DSCAM: variants seen among roughly 807,000 people sequenced by gnomAD.
The protein encoded by DSCAM is DS cell adhesion molecule.
Under a neutral mutation model 217.7 loss-of-function variants are expected in DSCAM, and 47 were observed. That is an observed-to-expected ratio of 0.22 (90% confidence interval 0.17 to 0.28). The LOEUF (loss-of-function observed/expected upper bound fraction) is 0.28, where lower values mean the gene tolerates loss of function less well. DSCAM is among the 10% of genes least tolerant of loss of function. The pLI, the probability that DSCAM is intolerant of heterozygous loss-of-function variation, is 1.00. For synonymous variants in DSCAM, 1,056 were observed against 1,015.3 expected, an observed-to-expected ratio of 1.04 and a Z score of -0.76; for missense variants, 2,080 against 2,618.3, an observed-to-expected ratio of 0.79 and a Z score of 4.49.
chr21:40,501,072 G>A (rs2076166938), intron 3 of DSCAM, among the ~76,000 whole-genome samples: 1 of 152,200 alleles, frequency 6.6e-6, no homozygotes, highest in African/African-American at 2.4e-5. Flanking sequence ...GGTAGAATTA[G>A]TAGTCTCTTC....
intron 9 of DSCAM, among the ~76,000 whole-genome samples, chr21:40,296,657 C>T (rs887082286): frequency 1.3e-5 from 2 of 151,744 alleles, no homozygotes; most frequent in Non-Finnish European, 2.9e-5. Context: ...CACGGAGAAA[C>T]CCCATCTCTA....
intron 1 of DSCAM, among the ~76,000 whole-genome samples, chr21:40,777,232 G>A (rs566426866): frequency 2.8e-4 from 43 of 152,230 alleles, no homozygotes; most frequent in African/African-American, 1.0e-3. Context: ...TTCCACTGAT[G>A]AGAGCTCCAC....
intron 9 of DSCAM, among the ~76,000 whole-genome samples, chr21:40,306,152 C>T (rs1981208050): frequency 6.6e-6 from 1 of 150,936 alleles, no homozygotes; most frequent in African/African-American, 2.5e-5. Context: ...TGAAGAGGTC[C>T]TTCACATCCC....
chr21:40,155,319 G>T (rs2090464428), intron 16 of DSCAM, among the ~76,000 whole-genome samples: 1 of 152,290 alleles, frequency 6.6e-6, no homozygotes, highest in South Asian at 2.1e-4. Flanking sequence ...GGACCTAGAG[G>T]GTGCACTCTG....
intron 11 of DSCAM, among the ~76,000 whole-genome samples, chr21:40,227,633 A>G (rs920291232): frequency 6.6e-6 from 1 of 152,124 alleles, no homozygotes; most frequent in Admixed American, 6.6e-5. Context: ...TGCTACCCTT[A>G]CTGGTACACC....
Position 40,409,033 on chromosome 21 carries a change from T to G in DSCAM, c.509-39788A>C, listed in dbSNP as rs538042181. Among the ~76,000 whole-genome samples, 11 of 152,306 alleles carry G rather than the reference T, an allele frequency of 7.2e-5. 1 individual carries two copies. The highest frequency in any genetic ancestry group is 2.4e-4 in the African/African-American group (10 of 41,578). The stretch of plus-strand genomic sequence containing the variant: ...TATTTATTTGGATAACAATTATAGT[T>G]CAATATTAATGCTTACAAAGAAAGA... On this transcript the variant is annotated intron_variant, in intron 3 of 32. Transcript: ENST00000400454.
chr21:40,719,953 A>G (rs2090884066), intron 1 of DSCAM, among the ~76,000 whole-genome samples: 2 of 151,886 alleles, frequency 1.3e-5, no homozygotes, highest in Admixed American at 6.6e-5. Context: ...AAGAAATTGG[A>G]AAAAAATCAT....
At chr21:40,823,810 A>C (rs2091947884) in intron 1 of DSCAM, among the ~76,000 whole-genome samples, 1 of 152,188 alleles carries the variant, frequency 6.6e-6, no homozygotes, top group Admixed American at 6.6e-5. Context: ...TGATCCATAC[A>C]TATTGCAATG....
At chr21:40,060,501 G>T (rs2089099627) in intron 28 of DSCAM, among the ~76,000 whole-genome samples, 1 of 152,056 alleles carries the variant, frequency 6.6e-6, no homozygotes, top group Admixed American at 6.6e-5. Context: ...GCACAGTTGA[G>T]GGGAGGAGAA....
chr21:40,598,916 G>A lies in DSCAM; in HGVS notation c.508+93894C>T, dbSNP rs958440794. Among the ~76,000 whole-genome samples the A allele has an allele frequency of 5.3e-5, 8 of 152,096 alleles. No individual in the cohort carries two copies. The East Asian group carries it at 5.8e-4, about 11-fold the overall frequency. ...TTTAGTAGCTATAGAGTAGTATCTCGTTATTGTTTTAATTTAAAATTATTT... is the reference window on the plus strand; with the variant it reads ...TTTAGTAGCTATAGAGTAGTATCTCATTATTGTTTTAATTTAAAATTATTT... On this transcript the variant is annotated intron_variant, in intron 3 of 32. Coordinates refer to ENST00000400454, the MANE Select transcript of DSCAM (RefSeq NM_001389.5).
At chr21:40,716,425 G>A (rs1291260170) in intron 1 of DSCAM, among the ~76,000 whole-genome samples, 1 of 152,020 alleles carries the variant, frequency 6.6e-6, no homozygotes, top group Non-Finnish European at 1.5e-5. Flanking sequence ...ATAACTGTGG[G>A]TTCAAAACAG....
At chr21:40,031,014 G>C (rs969991436) in intron 32 of DSCAM, among the ~76,000 whole-genome samples, 12 of 152,064 alleles carry the variant, frequency 7.9e-5, no homozygotes, top group Admixed American at 4.6e-4. Context: ...CTGGTTCACT[G>C]TACTTGCTGC....
chr21:40,183,619 G>A lies in DSCAM; in HGVS notation c.2779+3512C>T, dbSNP rs1175241219. ...GCCAAAGGGTTAAGAGGTGGGAGGA[G>A]AGACACTGGATCCAGGAAGGTCTAT... On this transcript the variant is annotated intron_variant, in intron 14 of 32. Transcript: ENST00000400454. Among the ~76,000 whole-genome samples, 3 of 152,202 alleles carry A rather than the reference G, an allele frequency of 2.0e-5. No homozygotes were observed. In the East Asian group the frequency reaches 5.8e-4, roughly 29 times the overall value.
Position 40,013,304 on chromosome 21 carries a change from G to A in DSCAM, c.5769C>T (p.Ser1923=). The change falls in exon 33 of 33, where the codon AGC becomes AGT. Residue 1923 remains serine, a synonymous_variant. Coordinates refer to ENST00000400454, the MANE Select transcript of DSCAM (RefSeq NM_001389.5). The part of the protein sequence containing the change: ...RGGPGTSRDL[S]LGQACLEPQK... ...GAGGTTCCAAGCATGCTTGTCCTAAGCTCAGGTCCCTGCTGGTGCCTGGAC... is the reference window on the plus strand; with the variant it reads ...GAGGTTCCAAGCATGCTTGTCCTAAACTCAGGTCCCTGCTGGTGCCTGGAC... 1 of 1,612,472 alleles carries A rather than the reference G, an allele frequency of 6.2e-7. No homozygotes were observed. The highest frequency in any genetic ancestry group is 1.3e-5 in the African/African-American group (1 of 75,006).
intron 3 of DSCAM, among the ~76,000 whole-genome samples, chr21:40,467,695 G>A (rs1328286284): frequency 1.3e-5 from 2 of 151,978 alleles, no homozygotes; most frequent in Admixed American, 6.6e-5. Context: ...TTTATAGTAA[G>A]CAGTAACTTA....
At chr21:40,038,076 C>G (rs1193161748) in intron 32 of DSCAM, among the ~76,000 whole-genome samples, 1 of 151,690 alleles carries the variant, frequency 6.6e-6, no homozygotes, top group Non-Finnish European at 1.5e-5. Context: ...AGAAGAAAAC[C>G]TAGGCATTAC....
chr21:40,154,945 C>T (rs547789194), intron 16 of DSCAM, among the ~76,000 whole-genome samples: 2 of 152,258 alleles, frequency 1.3e-5, no homozygotes, highest in Admixed American at 6.5e-5. Flanking sequence ...TGCCTTGAGA[C>T]ACAAATGCAG....
intron 3 of DSCAM, among the ~76,000 whole-genome samples, chr21:40,548,587 A>C (rs1221145116): frequency 6.6e-6 from 1 of 152,016 alleles, no homozygotes; most frequent in African/African-American, 2.4e-5. Context: ...GAAAGATCTC[A>C]ATAGCACGTG....
intron 2 of DSCAM, among the ~76,000 whole-genome samples, chr21:40,706,160 ACAGAGC>A (rs2090714369): frequency 6.7e-6 from 1 of 150,014 alleles, no homozygotes; most frequent in Admixed American, 6.7e-5. Flanking sequence ...AGCCTGGGAA[ACAGAGC>A]GAGACTCCAG....
Sources: gnomAD v4.1 joint callset for allele counts (sites outside exome capture counted in the v4.1 genomes callset) on GRCh38, gnomAD v4.1.1 for gene constraint, MANE v1.5 for transcripts, NCBI Gene and HGNC (gene_info 2026-07-23, HGNC 2026-07-21) for gene names.